The following TPTE variants were observed in gnomAD, a reference collection of about 807,000 sequenced individuals.
TPTE encodes putative tyrosine-protein phosphatase TPTE.
A neutral mutation model predicts 84.1 loss-of-function variants in TPTE; 59 were observed. That is an observed-to-expected ratio of 0.70 (90% CI 0.57 to 0.87). TPTE has a LOEUF of 0.87. Ranked by LOEUF, TPTE falls within the 40% of genes least tolerant of loss-of-function variation. The pLI is 0.00. For synonymous variants in TPTE, 130 were observed against 223.5 expected (o/e 0.58, Z 3.73); for missense variants, 382 against 659.6 (o/e 0.58, Z 4.61).
chr21:10,539,315 T>C (rs2074324530), intron 4 of TPTE, among the ~76,000 whole-genome samples: 1 of 152,308 alleles, frequency 6.6e-6, no homozygotes, highest in Non-Finnish European at 1.5e-5. Flanking sequence ...ACATATGAGG[T>C]TGGTGCTAAA....
chr21:10,602,516 A>G (rs1174872354), intron 22 of TPTE, among the ~76,000 whole-genome samples: 1 of 152,310 alleles, frequency 6.6e-6, no homozygotes, highest in Non-Finnish European at 1.5e-5. Flanking sequence ...AGAAATTGAG[A>G]CAGGGTCTCA....
At chr21:10,567,287 A>G (rs867151282) in intron 10 of TPTE, among the ~76,000 whole-genome samples, 21 of 152,370 alleles carry the variant, frequency 1.4e-4, no homozygotes, top group African/African-American at 4.8e-4. Flanking sequence ...AGTCAACAAT[A>G]ACTTGATTGT....
chr21:10,528,664 A>G (rs1378443128), intron 3 of TPTE, among the ~76,000 whole-genome samples: 3 of 152,306 alleles, frequency 2.0e-5, no homozygotes, highest in Non-Finnish European at 4.4e-5. Flanking sequence ...ATACTCAGAA[A>G]GTTACTTCTT....
At chr21:10,553,096 C>T (rs1333198382) in intron 8 of TPTE, among the ~76,000 whole-genome samples, 30 of 152,284 alleles carry the variant, frequency 2.0e-4, no homozygotes. Flanking sequence ...TGCCTATGAG[C>T]AAATAGTATT....
At chr21:10,546,159 G>T (rs1283149443) in intron 7 of TPTE, among the ~76,000 whole-genome samples, 2 of 152,292 alleles carry the variant, frequency 1.3e-5, no homozygotes, top group African/African-American at 4.8e-5. Flanking sequence ...TGTGTCTCTT[G>T]TCACATTTTA....
intron 7 of TPTE, among the ~76,000 whole-genome samples, chr21:10,547,650 T>C (rs1205897993): frequency 6.6e-6 from 1 of 152,304 alleles, no homozygotes; most frequent in Admixed American, 6.5e-5. Context: ...GAGTCATCTC[T>C]TGAGTGTGCC....
At chr21:10,522,112 C>T (rs1378548549) in intron 1 of TPTE, among the ~76,000 whole-genome samples, 1 of 152,096 alleles carries the variant, frequency 6.6e-6, no homozygotes, top group Non-Finnish European at 1.5e-5. Context: ...GGCTCCCGCG[C>T]CGCCCCCGAG....
intron 7 of TPTE, among the ~76,000 whole-genome samples, chr21:10,550,561 T>G (rs2074553934): frequency 6.6e-6 from 1 of 152,310 alleles, no homozygotes; most frequent in South Asian, 2.1e-4. Context: ...ATTGTAAATA[T>G]GTATGCACTC....
rs1288427182 is a variant in TPTE, at chr21:10,524,703, G to GTAA, written c.-102+15_-102+16insTAA. On this transcript the variant is annotated intron_variant, in intron 2 of 23. Coordinates refer to ENST00000618007, the MANE Select transcript of TPTE (RefSeq NM_199261.4). The stretch of plus-strand genomic sequence containing the variant: ...CTGGTGTATAGGTAAGCATGTCCAG[G>GTAA]GCTTATAGGGAGAAACTCCCAGAAA... 6.5e-6 allele frequency: 1 copy of GTAA among 152,730 alleles called. No individual in the cohort carries two copies. Among genetic ancestry groups the GTAA allele is most frequent in the East Asian group, 1.9e-4 (1 of 5,218 alleles). 9.5% of individuals were successfully genotyped at this position (152,730 alleles called of 1,614,324 possible).
At chr21:10,581,207 A>G (rs1222080699) in intron 17 of TPTE, among the ~76,000 whole-genome samples, 4 of 152,312 alleles carry the variant, frequency 2.6e-5, no homozygotes, top group Non-Finnish European at 5.9e-5. Context: ...CTGGAAATTT[A>G]CAGTACCATA....
At chr21:10,555,782 A>G (rs2045180226) in intron 8 of TPTE, among the ~76,000 whole-genome samples, 2 of 152,308 alleles carry the variant, frequency 1.3e-5, no homozygotes, top group African/African-American at 4.8e-5. Context: ...GCAAGTCAGA[A>G]GCCCATTTCT....
At chr21:10,567,096 C>T (rs1422772253) in intron 10 of TPTE, among the ~76,000 whole-genome samples, 1 of 146,020 alleles carries the variant, frequency 6.8e-6, no homozygotes, top group Non-Finnish European at 1.5e-5. Context: ...TTCTCACTTA[C>T]TATGGGGCTC....
At chr21:10,527,747 C>T (rs1449003326) in intron 3 of TPTE, among the ~76,000 whole-genome samples, 5 of 152,304 alleles carry the variant, frequency 3.3e-5, no homozygotes, top group Non-Finnish European at 7.3e-5. Context: ...GCTAAGAGAC[C>T]CTGTATCTGT....
intron 1 of TPTE, among the ~76,000 whole-genome samples, chr21:10,522,562 T>G (rs528645434): frequency 6.6e-6 from 1 of 152,430 alleles, no homozygotes; most frequent in Non-Finnish European, 1.5e-5. Flanking sequence ...TGTTTCTTAT[T>G]GTAGTTTTAA....
intron 3 of TPTE, among the ~76,000 whole-genome samples, chr21:10,533,828 A>C (rs537224911): frequency 1.3e-5 from 2 of 152,430 alleles, no homozygotes; most frequent in Non-Finnish European, 2.9e-5. Flanking sequence ...TAAGAGTTTA[A>C]TAGTGCAAGA....
chr21:10,532,840 A>G (rs1422116592), intron 3 of TPTE, among the ~76,000 whole-genome samples: 1 of 152,302 alleles, frequency 6.6e-6, no homozygotes, highest in African/African-American at 2.4e-5. Context: ...TATGATATTG[A>G]TCCTGTGGAC....
intron 17 of TPTE, among the ~76,000 whole-genome samples, chr21:10,585,589 T>C (rs1181621594): frequency 6.6e-6 from 1 of 152,308 alleles, no homozygotes. Flanking sequence ...TCTCATAGTT[T>C]TTTCAAATCT....
At position 10,602,154 on chromosome 21, in the gene TPTE, A is replaced by C; in HGVS notation, c.1449+4A>C. ...GAAAGTGCAGTTTTTCTATTCGGTG[A>C]GTAATCACAAAGTAGCCTCTGCCAT... is the stretch of plus-strand genomic sequence containing the variant. On this transcript the variant is annotated splice_donor_region_variant and intron_variant, in intron 22 of 23. Coordinates refer to ENST00000618007, the MANE Select transcript of TPTE (RefSeq NM_199261.4). The C allele has an allele frequency of 6.2e-7, 1 of 1,609,406 alleles. No homozygotes were observed. Among genetic ancestry groups the C allele is most frequent in the Non-Finnish European group, 8.5e-7 (1 of 1,175,718 alleles).
At chr21:10,531,385 T>C (rs2074176005) in intron 3 of TPTE, among the ~76,000 whole-genome samples, 1 of 152,308 alleles carries the variant, frequency 6.6e-6, no homozygotes, top group South Asian at 2.1e-4. Flanking sequence ...CTCTTGCCAT[T>C]TGATCTCTGC....
Sources: allele counts gnomAD v4.1 joint callset (sites outside exome capture counted in the v4.1 genomes callset), GRCh38; gene constraint gnomAD v4.1.1; transcripts MANE v1.5; gene names NCBI Gene and HGNC (gene_info 2026-07-23, HGNC 2026-07-21).